PRKCE: variants seen among roughly 807,000 people sequenced by gnomAD.
PRKCE encodes protein kinase C epsilon.
In PRKCE, 16 loss-of-function variants were observed where a neutral mutation model predicts 85.4. The ratio of observed to expected loss-of-function variants is 0.19; its 90% CI spans 0.13 to 0.28. The LOEUF (loss-of-function observed/expected upper bound fraction) is 0.28. PRKCE is among the 10% of genes least tolerant of loss of function. The pLI is 1.00. For missense variants in PRKCE, 573 were observed against 975.2 expected, an observed-to-expected ratio of 0.59 and a Z score of 5.49; for synonymous variants, 388 against 371.5, an observed-to-expected ratio of 1.04 and a Z score of -0.51.
At chr2:45,870,843 G>A (rs1012089071) in intron 2 of PRKCE, among the ~76,000 whole-genome samples, 6 of 152,200 alleles carry the variant, frequency 3.9e-5, no homozygotes, top group Admixed American at 2.6e-4. Context: ...GGTGAGTAAC[G>A]TACTGGGCAC....
chr2:46,017,899 G>A (rs542185723), intron 10 of PRKCE, among the ~76,000 whole-genome samples: 1 of 152,284 alleles, frequency 6.6e-6, no homozygotes, highest in African/African-American at 2.4e-5. Flanking sequence ...TTTCCCAACA[G>A]TCTTTGTTGT....
chr2:46,083,771 C>T (rs1268284049), intron 10 of PRKCE, among the ~76,000 whole-genome samples: 1 of 152,204 alleles, frequency 6.6e-6, no homozygotes, highest in African/African-American at 2.4e-5. Flanking sequence ...CATGTCCTAA[C>T]AAGCTTCCAT....
At chr2:46,044,966 T>C (rs1223941437) in intron 10 of PRKCE, among the ~76,000 whole-genome samples, 1 of 152,264 alleles carries the variant, frequency 6.6e-6, no homozygotes, top group Non-Finnish European at 1.5e-5. Context: ...ATGTATAGTA[T>C]ATGTTCTCAT....
intron 10 of PRKCE, among the ~76,000 whole-genome samples, chr2:46,021,201 G>T (rs1220359044): frequency 6.6e-6 from 1 of 152,180 alleles, no homozygotes; most frequent in East Asian, 1.9e-4. Flanking sequence ...GCAGGCTCAT[G>T]CTAGGAAGCC....
chr2:45,783,893 A>G (rs1051400515), intron 1 of PRKCE, among the ~76,000 whole-genome samples: 2 of 152,304 alleles, frequency 1.3e-5, no homozygotes, highest in South Asian at 4.1e-4. Context: ...GAAAGCATAG[A>G]TCTGTCTGAA....
In PRKCE at chr2:45,678,131, G is replaced by A. The variant is rs555013396; in HGVS notation, c.348+25683G>A. Among the ~76,000 whole-genome samples, 39 of 152,260 alleles carry A rather than the reference G, an allele frequency of 2.6e-4. 1 individual carries two copies. The highest frequency in any genetic ancestry group is 3.4e-3 in the Middle Eastern group (1 of 294). ...CACCAATTTCTTTTTGGTTTCTTGA[G>A]AGCTGGTTGTGTGCATATGTGAATA... On this transcript the variant is annotated intron_variant, in intron 1 of 14. Transcript: ENST00000306156.
intron 1 of PRKCE, among the ~76,000 whole-genome samples, chr2:45,687,873 T>C (rs774463991): frequency 6.6e-6 from 1 of 152,242 alleles, no homozygotes; most frequent in Non-Finnish European, 1.5e-5. Context: ...AGGTATTAGG[T>C]TCTCGCTTGC....
Position 45,754,890 on chromosome 2 carries a change from C to T in PRKCE, c.349-88110C>T, listed in dbSNP as rs1225715737. Among the ~76,000 whole-genome samples the T allele has an allele frequency of 3.3e-5, 5 of 152,294 alleles. No individual in the cohort carries two copies. The South Asian group carries it at 8.3e-4, about 25-fold the overall frequency. On this transcript the variant is annotated intron_variant, in intron 1 of 14. Transcript: ENST00000306156. ...ATCAAGCTGGCTAAGGATTGAGGTG[C>T]GAGGCTGCCAGGAGGGAAGGATTTT...
intron 1 of PRKCE, among the ~76,000 whole-genome samples, chr2:45,708,875 C>G (rs1679356435): frequency 6.6e-6 from 1 of 152,154 alleles, no homozygotes; most frequent in Non-Finnish European, 1.5e-5. Context: ...TTGAAGGTGG[C>G]AGAGTCAGAA....
chr2:45,690,075 T>C (rs1677611357), intron 1 of PRKCE, among the ~76,000 whole-genome samples: 1 of 152,218 alleles, frequency 6.6e-6, no homozygotes, highest in Non-Finnish European at 1.5e-5. Context: ...GCTTCTTGCT[T>C]TTGTTACTTA....
chr2:45,688,754 C>G (rs1677494951), intron 1 of PRKCE, among the ~76,000 whole-genome samples: 1 of 152,214 alleles, frequency 6.6e-6, no homozygotes, highest in Admixed American at 6.5e-5. Flanking sequence ...TGAAATAAAG[C>G]TTCCTATCTG....
chr2:46,058,807 C>T (rs1224020861), intron 10 of PRKCE, among the ~76,000 whole-genome samples: 4 of 152,148 alleles, frequency 2.6e-5, no homozygotes, highest in African/African-American at 4.8e-5. Flanking sequence ...GTGATTCTCC[C>T]GGCTTAGCTT....
intron 10 of PRKCE, among the ~76,000 whole-genome samples, chr2:46,037,915 C>T (rs969739759): frequency 6.6e-6 from 1 of 152,140 alleles, no homozygotes. Context: ...ACTGAAACTC[C>T]TTGATGCTTA....
intron 1 of PRKCE, among the ~76,000 whole-genome samples, chr2:45,704,728 T>C (rs1317094254): frequency 6.6e-6 from 1 of 152,148 alleles, no homozygotes. Flanking sequence ...ATCTCTTCCT[T>C]CCCCCTCTAG....
chr2:45,832,603 A>T (rs753283653), intron 1 of PRKCE, among the ~76,000 whole-genome samples: 6 of 151,574 alleles, frequency 4.0e-5, no homozygotes, highest in Non-Finnish European at 8.8e-5. Flanking sequence ...GAGCCACCGC[A>T]CCCGGCCAAG....
intron 2 of PRKCE, among the ~76,000 whole-genome samples, chr2:45,862,181 T>TGTACAC (rs1491253589): frequency 2.2e-5 from 3 of 137,422 alleles, no homozygotes; most frequent in Non-Finnish European, 4.6e-5. Context: ...TTTCTTCTTG[T>TGTACAC]ATACACACAC....
chr2:45,661,835 A>G (rs1299584055), intron 1 of PRKCE, among the ~76,000 whole-genome samples: 1 of 151,820 alleles, frequency 6.6e-6, no homozygotes, highest in Non-Finnish European at 1.5e-5. Flanking sequence ...TACTGTCCCC[A>G]GCCTAGAAGA....
At chr2:46,023,147 C>G (rs1338953228) in intron 10 of PRKCE, among the ~76,000 whole-genome samples, 1 of 149,000 alleles carries the variant, frequency 6.7e-6, no homozygotes, top group Non-Finnish European at 1.5e-5. Flanking sequence ...GACTTGAGAG[C>G]TTTGTCATGT....
chr2:45,839,525 C>G (rs987397691), intron 1 of PRKCE, among the ~76,000 whole-genome samples: 1 of 152,196 alleles, frequency 6.6e-6, no homozygotes, highest in Non-Finnish European at 1.5e-5. Flanking sequence ...AGAAGAGGCT[C>G]AGAACTAACC....
Sources: allele counts gnomAD v4.1 joint callset (sites outside exome capture counted in the v4.1 genomes callset), GRCh38; gene constraint gnomAD v4.1.1; transcripts MANE v1.5; gene names NCBI Gene and HGNC (gene_info 2026-07-23, HGNC 2026-07-21).